The following UNC5C variants were observed in gnomAD, a reference collection of about 807,000 sequenced individuals.
UNC5C encodes the protein netrin receptor UNC5C.
Under a neutral mutation model 99.8 loss-of-function variants are expected in UNC5C, and 47 were observed. The ratio of observed to expected loss-of-function variants is 0.47; its 90% confidence interval spans 0.37 to 0.60. The LOEUF (loss-of-function observed/expected upper bound fraction) is 0.60. Among genes scored for constraint, UNC5C ranks in the 20% least tolerant of loss-of-function variants. UNC5C has a pLI of 0.00. For missense variants in UNC5C, 1,062 were observed against 1,165.9 expected (o/e 0.91, Z 1.30); for synonymous variants, 487 against 452.2 (o/e 1.08, Z -0.98).
intron 1 of UNC5C, among the ~76,000 whole-genome samples, chr4:95,347,390 C>A (rs1265167162): frequency 6.6e-6 from 1 of 151,856 alleles, no homozygotes; most frequent in Non-Finnish European, 1.5e-5. Context: ...ACATTCTTCA[C>A]AGAAATAGAA....
intron 1 of UNC5C, among the ~76,000 whole-genome samples, chr4:95,529,678 G>C (rs546630364): frequency 6.6e-6 from 1 of 151,858 alleles, no homozygotes; most frequent in Non-Finnish European, 1.5e-5. Context: ...AGTGAGCTGT[G>C]ACCGCACCAC....
Position 95,461,304 on chromosome 4 carries a change from G to T in UNC5C, c.124+87430C>A, listed in dbSNP as rs1387788500. ...ATGTGATACAGTCCTTTTCCAACAT[G>T]AAGCACAAGGCAAGAGCAAGTTGAA... On this transcript the variant is annotated intron_variant, in intron 1 of 15. Coordinates refer to ENST00000453304, the MANE Select transcript of UNC5C (RefSeq NM_003728.4). 6.1e-5 allele frequency among the ~76,000 whole-genome samples: 6 copies of T among 98,076 alleles called. 2 individuals are homozygous for T. Among genetic ancestry groups the T allele is most frequent in the South Asian group, 7.4e-4 (2 of 2,710 alleles). The allele number at this position is 98,076 out of a possible 152,430, so 64.3% of individuals were successfully genotyped here.
At chr4:95,258,785 C>A (rs1361392365) in intron 4 of UNC5C, among the ~76,000 whole-genome samples, 5 of 78,906 alleles carry the variant, frequency 6.3e-5, no homozygotes, top group Admixed American at 3.5e-4. Context: ...GACGGAGTCT[C>A]GCTCTGTCGC....
intron 1 of UNC5C, among the ~76,000 whole-genome samples, chr4:95,351,562 G>A (rs1318714892): frequency 6.6e-6 from 1 of 152,056 alleles, no homozygotes; most frequent in Non-Finnish European, 1.5e-5. Context: ...GCTCATGCCT[G>A]TAATCCTGGG....
chr4:95,452,214 A>C (rs265048), intron 1 of UNC5C, among the ~76,000 whole-genome samples: 88,809 of 151,934 alleles, frequency 0.58, 26,701 homozygotes, highest in African/African-American at 0.73. Context: ...GTAACAATTT[A>C]TTTGAAATCC....
intron 1 of UNC5C, among the ~76,000 whole-genome samples, chr4:95,462,046 T>C (rs1747618645): frequency 6.6e-6 from 1 of 152,216 alleles, no homozygotes; most frequent in African/African-American, 2.4e-5. Flanking sequence ...CTTGGGTTTT[T>C]TTTTAGGTGA....
At chr4:95,203,744 G>A (rs1386396344) in intron 11 of UNC5C, among the ~76,000 whole-genome samples, 4 of 152,182 alleles carry the variant, frequency 2.6e-5, no homozygotes, top group Non-Finnish European at 5.9e-5. Context: ...GATTACAGGT[G>A]TGAGCCACCA....
intron 1 of UNC5C, among the ~76,000 whole-genome samples, chr4:95,481,877 T>G (rs542501674): frequency 1.3e-5 from 2 of 152,130 alleles, no homozygotes; most frequent in Non-Finnish European, 2.9e-5. Context: ...ATTAAAGACT[T>G]CAATGTTAAA....
intron 1 of UNC5C, among the ~76,000 whole-genome samples, chr4:95,374,512 A>G (rs1744837049): frequency 6.6e-6 from 1 of 151,994 alleles, no homozygotes; most frequent in Admixed American, 6.6e-5. Flanking sequence ...TCCCCTCAGA[A>G]TCAGGGATTT....
At chr4:95,314,481 C>T (rs1742397856) in intron 2 of UNC5C, among the ~76,000 whole-genome samples, 1 of 152,224 alleles carries the variant, frequency 6.6e-6, no homozygotes, top group African/African-American at 2.4e-5. Context: ...AATGCTTGCA[C>T]AGCTCCTCTA....
chr4:95,244,943 G>C (rs771849638), intron 6 of UNC5C, 34 bp downstream of exon 6: 10 of 1,610,612 alleles, frequency 6.2e-6, no homozygotes, highest in African/African-American at 1.3e-5. Context: ...TGAATAATAG[G>C]AGATACTTGG....
intron 2 of UNC5C, among the ~76,000 whole-genome samples, chr4:95,320,142 A>G (rs1272503316): frequency 6.6e-6 from 1 of 152,170 alleles, no homozygotes; most frequent in Non-Finnish European, 1.5e-5. Flanking sequence ...ACAAAAATAA[A>G]GTACAAGATG....
At chr4:95,201,798 G>T (rs1182206431) in intron 12 of UNC5C, among the ~76,000 whole-genome samples, 4 of 152,156 alleles carry the variant, frequency 2.6e-5, no homozygotes, top group African/African-American at 9.6e-5. Context: ...TAGAGACGGG[G>T]TTTCACCGTG....
intron 1 of UNC5C, among the ~76,000 whole-genome samples, chr4:95,359,962 A>G (rs556317904): frequency 1.1e-3 from 166 of 152,274 alleles, no homozygotes; most frequent in Non-Finnish European, 2.0e-3. Flanking sequence ...AAAAACAGGC[A>G]CAGAGAAGTC....
At chr4:95,319,226 T>A (rs1742589328) in intron 2 of UNC5C, among the ~76,000 whole-genome samples, 1 of 152,186 alleles carries the variant, frequency 6.6e-6, no homozygotes, top group African/African-American at 2.4e-5. Context: ...CTATGGCCTG[T>A]TCCCAATTAA....
intron 6 of UNC5C, among the ~76,000 whole-genome samples, chr4:95,243,933 T>C (rs1429673109): frequency 1.3e-5 from 2 of 152,210 alleles, no homozygotes; most frequent in Non-Finnish European, 2.9e-5. Context: ...AATTTTAAGC[T>C]AGCTAAGTGT....
At chr4:95,360,663 T>C (rs550267313) in intron 1 of UNC5C, among the ~76,000 whole-genome samples, 2 of 152,178 alleles carry the variant, frequency 1.3e-5, no homozygotes, top group Non-Finnish European at 2.9e-5. Flanking sequence ...TATGAGCTAA[T>C]GTAAGCTGAA....
In UNC5C at chr4:95,164,961, G is replaced by C. The variant is rs1162143273; in HGVS notation, c.*4273C>G. ...TAGGGGCAGACCTTATAGAGGCAAA[G>C]ACCTTTGAATTCTGGGGAGATGGTG... is the stretch of plus-strand genomic sequence containing the variant. On this transcript the variant is annotated 3_prime_UTR_variant, in exon 16 of 16. Coordinates refer to ENST00000453304, the MANE Select transcript of UNC5C (RefSeq NM_003728.4). 2 of 152,266 alleles carry C rather than the reference G, an allele frequency of 1.3e-5. No homozygotes were observed. Among genetic ancestry groups the C allele is most frequent in the Non-Finnish European group, 2.9e-5 (2 of 68,066 alleles). The allele number at this position is 152,266 out of a possible 1,614,324, so 9.4% of individuals were successfully genotyped here. A position where few individuals can be genotyped will look rare whatever the true frequency, so the allele number is the denominator to read the frequency against.
In UNC5C at chr4:95,307,871, A is replaced by G. The variant is rs923461988; in HGVS notation, c.347-6122T>C. On this transcript the variant is annotated intron_variant, in intron 2 of 15. Transcript: ENST00000453304. ...ATCAACAAAATGAAGGATAAAAATC[A>G]TACGATCATCTTAATAGCTGTAGAA... 3.4e-4 allele frequency among the ~76,000 whole-genome samples: 52 copies of G among 152,260 alleles called. No individual in the cohort carries two copies. In the Middle Eastern group the frequency reaches 9.5e-3, roughly 28 times the overall value.
Sources: gnomAD v4.1 joint callset for allele counts (sites outside exome capture counted in the v4.1 genomes callset) on GRCh38, gnomAD v4.1.1 for gene constraint, MANE v1.5 for transcripts, NCBI Gene and HGNC (gene_info 2026-07-23, HGNC 2026-07-21) for gene names.